The following PCDHGB1 variants were observed in gnomAD, a reference collection of about 807,000 sequenced individuals.
The protein encoded by PCDHGB1 is protocadherin gamma-B1.
A neutral mutation model predicts 56.6 loss-of-function variants in PCDHGB1; 34 were observed. The observed-to-expected ratio is 0.60, with a 90% confidence interval of 0.46 to 0.80. The LOEUF (loss-of-function observed/expected upper bound fraction) is 0.80. PCDHGB1 is among the 30% of genes least tolerant of loss of function. The pLI is 0.00. For missense variants in PCDHGB1, 1,278 were observed against 1,204.6 expected, an observed-to-expected ratio of 1.06 and a Z score of -0.90; for synonymous variants, 561 against 505.9, an observed-to-expected ratio of 1.11 and a Z score of -1.46.
At position 141,486,616 on chromosome 5, in the gene PCDHGB1, C is replaced by T. The variant is rs759167270; in HGVS notation, c.2410-8191C>T. On this transcript the variant is annotated intron_variant, in intron 1 of 3. Coordinates refer to ENST00000523390, the MANE Select transcript of PCDHGB1 (RefSeq NM_018922.3). The surrounding 1 kb of genome is among the most constrained non-coding windows in gnomAD (Gnocchi z 5.0). ...TGCTTTGCTCCCTTGCAGCCTCTGA[C>T]CCAGACTCTGGCTTGAATGCGCTTA... is the stretch of plus-strand genomic sequence containing the variant. 2 of 1,613,500 alleles carry T rather than the reference C, an allele frequency of 1.2e-6. No individual in the cohort carries two copies. The highest frequency in any genetic ancestry group is 3.3e-5 in the Admixed American group (2 of 60,004).
chr5:141,439,487 G>A lies in PCDHGB1; in HGVS notation c.2410-55320G>A, dbSNP rs11952418. 8.3e-3 allele frequency among the ~76,000 whole-genome samples: 1,269 copies of A among 152,266 alleles called. 16 individuals are homozygous for A. Among genetic ancestry groups the A allele is most frequent in the African/African-American group, 0.029 (1,205 of 41,540 alleles). Reference sequence around the variant, plus strand: ...GCTGCCTTTCAGCTTGCAAATTCCAGTGAGAAACGTCTTTCTCTCTGCTCT... The same window carrying A: ...GCTGCCTTTCAGCTTGCAAATTCCAATGAGAAACGTCTTTCTCTCTGCTCT... On this transcript the variant is annotated intron_variant, in intron 1 of 3. Coordinates refer to ENST00000523390, the MANE Select transcript of PCDHGB1 (RefSeq NM_018922.3).
At chr5:141,371,796 G>A in intron 1 of PCDHGB1, 2 of 1,613,914 alleles carry the variant, frequency 1.2e-6, no homozygotes, top group Non-Finnish European at 1.7e-6. Context: ...CAATCCGCCT[G>A]GAGCCTCCAT....
chr5:141,399,084 T>C (rs752476131), intron 1 of PCDHGB1: 2 of 1,613,796 alleles, frequency 1.2e-6, no homozygotes, highest in South Asian at 1.1e-5. Context: ...AAGGGAGGGA[T>C]GGTGGTGGAC....
intron 2 of PCDHGB1, among the ~76,000 whole-genome samples, chr5:141,495,175 C>A (rs1337353259): frequency 6.6e-6 from 1 of 152,300 alleles, no homozygotes; most frequent in Middle Eastern, 3.4e-3. Flanking sequence ...TGGGTGAAAG[C>A]GAGGCTTTCT....
intron 1 of PCDHGB1, chr5:141,370,661 T>C (rs2149968382): frequency 6.2e-7 from 1 of 1,613,892 alleles, no homozygotes; most frequent in African/African-American, 1.3e-5. Flanking sequence ...TGAGCGACCG[T>C]ATAGACCGAG....
At chr5:141,395,253 T>G (rs765397414) in intron 1 of PCDHGB1, 1 of 1,557,696 alleles carries the variant, frequency 6.4e-7, no homozygotes, top group Admixed American at 2.0e-5. Flanking sequence ...TTTAGTTCTT[T>G]GCTTGCTTTT....
At chr5:141,372,420 A>G (rs765908055) in intron 1 of PCDHGB1, 1 of 1,614,042 alleles carries the variant, frequency 6.2e-7, no homozygotes, top group Admixed American at 1.7e-5. Context: ...ACCTGACCTT[A>G]GCGACCGCCC....
At chr5:141,499,397 T>A (rs1171838687) in intron 2 of PCDHGB1, among the ~76,000 whole-genome samples, 2 of 152,122 alleles carry the variant, frequency 1.3e-5, no homozygotes, top group African/African-American at 4.8e-5. Flanking sequence ...AAATAGTACA[T>A]GCTCATTATA....
chr5:141,351,348 C>T lies in PCDHGB1; in HGVS notation c.1088C>T (p.Ala363Val), dbSNP rs200422536. 2 of 1,613,314 alleles carry T rather than the reference C, an allele frequency of 1.2e-6. No homozygotes were observed. Among genetic ancestry groups the T allele is most frequent in the East Asian group, 2.2e-5 (1 of 44,862 alleles). ...GATTCAGACCTTGGAACTGTAATAG[C>T]CCTCATAAAAGTGCGAGACAAGGAT... ...PEDSDLGTVIALIKVRDKDSG... is the reference protein window; with the variant it reads ...PEDSDLGTVIVLIKVRDKDSG... Residue 363 changes from alanine (A) to valine (V), a missense_variant, in exon 1 of 4, where the codon GCC becomes GTC. Transcript: ENST00000523390.
At chr5:141,360,732 T>G in intron 1 of PCDHGB1, 1 of 1,613,960 alleles carries the variant, frequency 6.2e-7, no homozygotes, top group Non-Finnish European at 8.5e-7. Flanking sequence ...TAAAACACTC[T>G]CTGGACAGAG....
chr5:141,421,297 C>T (rs143092131), intron 1 of PCDHGB1: 106 of 1,613,512 alleles, frequency 6.6e-5, no homozygotes, highest in Non-Finnish European at 8.5e-5. Flanking sequence ...CCTGGGGACG[C>T]TGCGGGGGTT....
chr5:141,399,886 G>T, intron 1 of PCDHGB1: 1 of 1,612,706 alleles, frequency 6.2e-7, no homozygotes, highest in Non-Finnish European at 8.5e-7. Flanking sequence ...GGTGACCAAG[G>T]TAGTGGCCGT....
Position 141,435,556 on chromosome 5 carries a change from G to C in PCDHGB1, c.2410-59251G>C, listed in dbSNP as rs568743865. ...AGAATTAACAAAATGTGTTTTGAGT[G>C]CTTTTTTTAGTACTGGGGCAAATTT... is the stretch of plus-strand genomic sequence containing the variant. On this transcript the variant is annotated intron_variant, in intron 1 of 3. Transcript: ENST00000523390. Among the ~76,000 whole-genome samples, 7 of 152,242 alleles carry C rather than the reference G, an allele frequency of 4.6e-5. 1 individual carries two copies. Among genetic ancestry groups the C allele is most frequent in the African/African-American group, 1.4e-4 (6 of 41,544 alleles).
intron 1 of PCDHGB1, chr5:141,413,330 T>G (rs770842309): frequency 6.2e-7 from 1 of 1,613,812 alleles, no homozygotes; most frequent in Non-Finnish European, 8.5e-7. Context: ...GTGGGCAACA[T>G]CTCCAAGGAC....
rs375478611 is a variant in PCDHGB1 at position 141,371,890 on chromosome 5, G to A, written c.2409+19221G>A. ...ATCGTGGCCAGTGACCTGGAGCCGC[G>A]GGAGCTGTCGTCCTACGTGTCCGTG... On this transcript the variant is annotated intron_variant, in intron 1 of 3. Coordinates refer to ENST00000523390, the MANE Select transcript of PCDHGB1 (RefSeq NM_018922.3). 7.4e-5 allele frequency: 119 copies of A among 1,613,312 alleles called. No homozygotes were observed. The highest frequency in any genetic ancestry group is 9.7e-5 in the Non-Finnish European group (114 of 1,179,910).
At chr5:141,375,629 G>T (rs567513392) in intron 1 of PCDHGB1, 4 of 1,614,074 alleles carry the variant, frequency 2.5e-6, no homozygotes, top group African/African-American at 1.3e-5. Context: ...GATTCTGTAC[G>T]CCCTGCGCTC....
At chr5:141,386,719 C>A (rs1487131983) in intron 1 of PCDHGB1, among the ~76,000 whole-genome samples, 1 of 152,104 alleles carries the variant, frequency 6.6e-6, no homozygotes, top group African/African-American at 2.4e-5. Flanking sequence ...CTGACACCAA[C>A]AATGTTACTG....
In PCDHGB1 at chr5:141,383,030, T is replaced by C. The variant is rs756178371; in HGVS notation, c.2409+30361T>C. 2 of 1,613,742 alleles carry C rather than the reference T, an allele frequency of 1.2e-6. No individual in the cohort carries two copies. Among genetic ancestry groups the C allele is most frequent in the Non-Finnish European group, 1.7e-6 (2 of 1,179,874 alleles). ...TCGGAGGAGACGGACAAAGGGTCCT[T>C]TGTGGGAGACATCGCCAAGGACCTG... On this transcript the variant is annotated intron_variant, in intron 1 of 3. Coordinates refer to ENST00000523390, the MANE Select transcript of PCDHGB1 (RefSeq NM_018922.3).
intron 1 of PCDHGB1, among the ~76,000 whole-genome samples, chr5:141,358,062 T>G (rs1354480286): frequency 7.9e-5 from 12 of 152,248 alleles, no homozygotes; most frequent in Non-Finnish European, 1.5e-5. Context: ...TGGTGGTGTG[T>G]GCCCGTAGTC....
Sources: allele counts gnomAD v4.1 joint callset (sites outside exome capture counted in the v4.1 genomes callset), GRCh38; gene constraint gnomAD v4.1.1; non-coding constraint Gnocchi (gnomAD v3.1); transcripts MANE v1.5; gene names NCBI Gene and HGNC (gene_info 2026-07-23, HGNC 2026-07-21).